Variants in DNM3 observed in about 807,000 individuals in gnomAD.
DNM3 encodes dynamin-3.
DNM3 carries 47 observed loss-of-function variants against 101.6 expected under a neutral mutation model. The ratio of observed to expected loss-of-function variants is 0.46; its 90% CI spans 0.37 to 0.59. DNM3 has a LOEUF of 0.59. Among genes scored for constraint, DNM3 ranks in the 20% least tolerant of loss-of-function variants. The pLI, the probability that DNM3 is intolerant of heterozygous loss-of-function variation, is 0.00. For missense variants in DNM3, 849 were observed against 1,085.7 expected, an observed-to-expected ratio of 0.78 and a Z score of 3.06; for synonymous variants, 385 against 387.9, an observed-to-expected ratio of 0.99 and a Z score of 0.09.
At chr1:172,120,255 C>T (rs1366679700) in intron 13 of DNM3, among the ~76,000 whole-genome samples, 1 of 152,124 alleles carries the variant, frequency 6.6e-6, no homozygotes, top group Non-Finnish European at 1.5e-5. Flanking sequence ...CAAGAGAGAG[C>T]ATGTGTAGGG....
intron 4 of DNM3, among the ~76,000 whole-genome samples, chr1:171,990,291 G>A (rs990361706): frequency 2.0e-5 from 3 of 152,124 alleles, no homozygotes; most frequent in Admixed American, 6.6e-5. Context: ...TCGTGCATGA[G>A]AGTGGAGCAC....
intron 6 of DNM3, among the ~76,000 whole-genome samples, chr1:172,035,407 C>T (rs1240434452): frequency 6.6e-6 from 1 of 151,874 alleles, no homozygotes; most frequent in African/African-American, 2.4e-5. Context: ...AATGAGATTC[C>T]CTTAAGAGAG....
chr1:172,089,752 A>G (rs1326850309), intron 12 of DNM3, among the ~76,000 whole-genome samples: 2 of 152,184 alleles, frequency 1.3e-5, no homozygotes, highest in East Asian at 3.8e-4. Flanking sequence ...CAAGTGGTAG[A>G]TCCTAAATAT....
intron 2 of DNM3, among the ~76,000 whole-genome samples, chr1:171,965,760 G>A (rs1477342206): frequency 6.6e-6 from 1 of 152,018 alleles, no homozygotes; most frequent in Non-Finnish European, 1.5e-5. Flanking sequence ...TTTTTATGGA[G>A]GTTCATTATA....
At position 171,987,765 on chromosome 1, in the gene DNM3, T is replaced by G; in HGVS notation, c.345T>G (p.Ile115Met). ...TDRVTGMNKGISSIPINLRVY... is the reference protein window; with the variant it reads ...TDRVTGMNKGMSSIPINLRVY... ...GCGTGACTGGAATGAATAAAGGCAT[T>G]TCCTCCATACCCATTAATTTACGAG... Residue 115 changes from isoleucine (I) to methionine (M), a missense_variant, in exon 3 of 21, where the codon ATT becomes ATG. Around this residue, in one of 5 missense-constraint regions of DNM3, gnomAD observed 388 missense variants for 483.0 expected, o/e 0.80. Transcript: ENST00000627582. 2 of 1,600,518 alleles carry G rather than the reference T, an allele frequency of 1.2e-6. No homozygotes were observed. Among genetic ancestry groups the G allele is most frequent in the Non-Finnish European group, 1.7e-6 (2 of 1,175,522 alleles).
chr1:172,386,995 G>C, intron 18 of DNM3, 138 bp from the exon 19 acceptor site: 3 of 669,972 alleles, frequency 4.5e-6, no homozygotes, highest in African/African-American at 1.8e-5. Flanking sequence ...ACAGACGCTT[G>C]GTGCTTCACT....
chr1:172,207,717 C>T (rs1343049913), intron 14 of DNM3, among the ~76,000 whole-genome samples: 2 of 151,998 alleles, frequency 1.3e-5, no homozygotes, highest in Admixed American at 6.6e-5. Context: ...TAAAGGTTGT[C>T]GTAGATATTT....
Position 172,132,028 on chromosome 1 carries a change from GA to G in DNM3, c.1659+743del, listed in dbSNP as rs1413877182. The stretch of plus-strand genomic sequence containing the variant: ...ACAGATAGAAATTAAACTATGTCTT[GA>G]AATTTTTAATAGCCCTGGTCTGACC... On this transcript the variant is annotated intron_variant, in intron 14 of 20. Coordinates refer to ENST00000627582, the MANE Select transcript of DNM3 (RefSeq NM_015569.5). Among the ~76,000 whole-genome samples the G allele has an allele frequency of 2.6e-5, 4 of 152,244 alleles. No homozygotes were observed. In the East Asian group the frequency reaches 7.7e-4, roughly 29 times the overall value.
chr1:172,393,711 C>A (rs936921253), intron 20 of DNM3: 7 of 152,592 alleles, frequency 4.6e-5, no homozygotes, highest in African/African-American at 1.7e-4. Flanking sequence ...CCATCCTCCC[C>A]CTTTAAAAAA....
At chr1:172,093,899 A>G (rs776541987) in intron 13 of DNM3, among the ~76,000 whole-genome samples, 6 of 152,212 alleles carry the variant, frequency 3.9e-5, no homozygotes, top group Non-Finnish European at 8.8e-5. Context: ...AAGAGGGTTC[A>G]TCCCTTCACT....
intron 14 of DNM3, among the ~76,000 whole-genome samples, chr1:172,192,838 T>C (rs61807799): frequency 2.0e-5 from 3 of 151,474 alleles, no homozygotes; most frequent in African/African-American, 7.3e-5. Context: ...AATAAACATA[T>C]GTGTGCATGT....
chr1:172,363,505 G>T (rs928031305), intron 17 of DNM3, among the ~76,000 whole-genome samples: 2 of 151,936 alleles, frequency 1.3e-5, no homozygotes, highest in South Asian at 2.1e-4. Flanking sequence ...TCTTGAGAAT[G>T]CCTTTATGAT....
chr1:172,148,966 T>A (rs1330908213), intron 14 of DNM3, among the ~76,000 whole-genome samples: 1 of 152,134 alleles, frequency 6.6e-6, no homozygotes, highest in Non-Finnish European at 1.5e-5. Flanking sequence ...AACATCAGCC[T>A]GTAAAATAAA....
At chr1:171,885,725 T>C (rs1440964263) in intron 1 of DNM3, among the ~76,000 whole-genome samples, 2 of 152,114 alleles carry the variant, frequency 1.3e-5, no homozygotes, top group African/African-American at 4.8e-5. Flanking sequence ...ACTCTAAAAT[T>C]CTCTGCCTAA....
At chr1:172,227,722 A>G (rs536631265) in intron 14 of DNM3, among the ~76,000 whole-genome samples, 3 of 152,206 alleles carry the variant, frequency 2.0e-5, no homozygotes, top group Middle Eastern at 3.4e-3. Context: ...CCATTTGTAT[A>G]TCTTCTTTTG....
intron 13 of DNM3, among the ~76,000 whole-genome samples, chr1:172,097,533 T>C (rs1387477711): frequency 6.6e-6 from 1 of 152,160 alleles, no homozygotes; most frequent in Non-Finnish European, 1.5e-5. Flanking sequence ...TGTCAATAAA[T>C]ACATGGTATC....
At chr1:171,925,327 A>T (rs1486908505) in intron 2 of DNM3, among the ~76,000 whole-genome samples, 1 of 151,960 alleles carries the variant, frequency 6.6e-6, no homozygotes, top group South Asian at 2.1e-4. Context: ...TCTTGGGTTC[A>T]TGCCATTCTC....
intron 17 of DNM3, among the ~76,000 whole-genome samples, chr1:172,334,333 C>A (rs1191550345): frequency 6.6e-6 from 1 of 152,082 alleles, no homozygotes; most frequent in Admixed American, 6.6e-5. Flanking sequence ...CTCCAGGGAA[C>A]TTTTGGTAAT....
At chr1:172,031,078 T>C (rs2125793982) in intron 4 of DNM3, among the ~76,000 whole-genome samples, 1 of 152,288 alleles carries the variant, frequency 6.6e-6, no homozygotes, top group African/African-American at 2.4e-5. Context: ...ATATAAATTA[T>C]TCTACTATAA....
Sources: gnomAD v4.1 joint callset for allele counts (sites outside exome capture counted in the v4.1 genomes callset) on GRCh38, gnomAD v4.1.1 for gene constraint, gnomAD v4.1.1 regional missense constraint, MANE v1.5 for transcripts, NCBI Gene and HGNC (gene_info 2026-07-23, HGNC 2026-07-21) for gene names.